Variants in CYREN observed in about 807,000 individuals in gnomAD.
CYREN encodes cell cycle regulator of non-homologous end joining.
CYREN carries 7 observed loss-of-function variants against 9.7 expected under a neutral mutation model. That is an observed-to-expected ratio of 0.72 (90% CI 0.41 to 1.36). The LOEUF is 1.36. CYREN is among the 40% of genes most tolerant of loss of function. CYREN has a pLI of 0.01. For missense variants in CYREN, 215 were observed against 198.1 expected, an observed-to-expected ratio of 1.09 and a Z score of -0.51; for synonymous variants, 76 against 77.9, an observed-to-expected ratio of 0.98 and a Z score of 0.13.
At chr7:135,127,120 C>G (rs1176749827) in intron 2 of CYREN, among the ~76,000 whole-genome samples, 2 of 152,216 alleles carry the variant, frequency 1.3e-5, no homozygotes, top group African/African-American at 4.8e-5. Context: ...ATCTACCCAT[C>G]TGACAAAGGT....
At chr7:135,168,759 GGA>G in intron 2 of CYREN, 25 bp downstream of exon 2, 2 of 1,608,932 alleles carry the variant, frequency 1.2e-6, no homozygotes, top group East Asian at 2.2e-5. Context: ...CAGATTCGCA[GGA>G]GTCTTCTGAC....
At chr7:135,117,107 A>G (rs1826431750) in intron 2 of CYREN, among the ~76,000 whole-genome samples, 1 of 152,248 alleles carries the variant, frequency 6.6e-6, no homozygotes, top group East Asian at 1.9e-4. Flanking sequence ...TGCAAAGAAT[A>G]GGGAAAATGC....
chr7:135,166,584 C>G lies in CYREN; in HGVS notation c.*27G>C, dbSNP rs773937966. ...TCAGCTGTCCTCCAGCTGCTCTCGG[C>G]AGACAGTTCAGTGCACAGTTTATGC... On this transcript the variant is annotated 3_prime_UTR_variant, in exon 4 of 4. Coordinates refer to ENST00000393114, the MANE Select transcript of CYREN (RefSeq NM_024033.4). 2 of 1,543,388 alleles carry G rather than the reference C, an allele frequency of 1.3e-6. No homozygotes were observed. The highest frequency in any genetic ancestry group is 2.4e-5 in the South Asian group (2 of 82,028).
At chr7:135,168,043 CCCTACAAGGATCTGG>C in intron 2 of CYREN, 1 of 603,928 alleles carries the variant, frequency 1.7e-6, no homozygotes, top group Admixed American at 3.1e-5. Context: ...CCACCAACTG[CCCTACAAGGATCTGG>C]AAGTAGGGAA....
intron 2 of CYREN, among the ~76,000 whole-genome samples, chr7:135,107,859 G>T (rs1485229933): frequency 6.6e-6 from 1 of 152,102 alleles, no homozygotes; most frequent in African/African-American, 2.4e-5. Flanking sequence ...CTTTTTGTAG[G>T]TCTCTAGGAA....
chr7:135,158,116 T>G (rs1038403524), intron 2 of CYREN, among the ~76,000 whole-genome samples: 7 of 152,100 alleles, frequency 4.6e-5, no homozygotes, highest in African/African-American at 1.7e-4. Flanking sequence ...AGCAAGAAGG[T>G]GGGGCACAGC....
chr7:135,110,583 C>T (rs1563276456), intron 2 of CYREN, among the ~76,000 whole-genome samples: 1 of 152,160 alleles, frequency 6.6e-6, no homozygotes, highest in Non-Finnish European at 1.5e-5. Context: ...CTTCCTTGGG[C>T]AGGGGAGGCT....
intron 2 of CYREN, among the ~76,000 whole-genome samples, chr7:135,113,561 C>T (rs1417195926): frequency 6.6e-6 from 1 of 152,154 alleles, no homozygotes; most frequent in Non-Finnish European, 1.5e-5. Context: ...TTAAGCATGA[C>T]AATTATAAAT....
intron 2 of CYREN, chr7:135,134,726 A>T: frequency 1.0e-6 from 1 of 985,588 alleles, no homozygotes; most frequent in Non-Finnish European, 1.4e-6. Flanking sequence ...CTTAAACTTT[A>T]AGAAGTTATG....
upstream of CYREN, among the ~76,000 whole-genome samples, chr7:135,172,317 C>CTTTGGT (rs1198035476): frequency 6.6e-6 from 1 of 152,146 alleles, no homozygotes; most frequent in Non-Finnish European, 1.5e-5. Flanking sequence ...TTGCTGGATA[C>CTTTGGT]TTTGGTTTTG....
chr7:135,146,512 C>T (rs571954464), intron 2 of CYREN, among the ~76,000 whole-genome samples: 18 of 152,230 alleles, frequency 1.2e-4, no homozygotes, highest in Admixed American at 7.2e-4. Flanking sequence ...GTAAAAGATG[C>T]AGGATCCACA....
At chr7:135,099,208 C>T (rs1823386058) in intron 2 of CYREN, among the ~76,000 whole-genome samples, 1 of 151,906 alleles carries the variant, frequency 6.6e-6, no homozygotes, top group African/African-American at 2.4e-5. Flanking sequence ...TGTTGGTTAC[C>T]TTAGTGTACC....
chr7:135,164,781 C>T (rs1273989502), downstream of CYREN: 9 of 1,614,190 alleles, frequency 5.6e-6, no homozygotes, highest in East Asian at 2.2e-5. Context: ...GAGAGCGTGG[C>T]GGCTGGCAGT....
chr7:135,099,243 A>C (rs908599091), intron 2 of CYREN, among the ~76,000 whole-genome samples: 5 of 152,172 alleles, frequency 3.3e-5, no homozygotes, highest in Non-Finnish European at 5.9e-5. Context: ...ATAGATCCTA[A>C]CATAGATAAA....
At chr7:135,134,877 C>T (rs1829264854) in intron 2 of CYREN, 1 of 1,550,700 alleles carries the variant, frequency 6.4e-7, no homozygotes. Context: ...TAAAGAAATA[C>T]AGCACATCTT....
intron 3 of CYREN, 30 bp from the exon 4 acceptor site, chr7:135,166,901 C>T (rs1372380114): frequency 1.9e-6 from 3 of 1,602,150 alleles, no homozygotes; most frequent in Non-Finnish European, 2.6e-6. Context: ...GCAGGCTCAA[C>T]ATACGTGTTT....
chr7:135,164,798 C>T (rs2117477765), downstream of CYREN: 1 of 1,614,140 alleles, frequency 6.2e-7, no homozygotes, highest in Non-Finnish European at 8.5e-7. Flanking sequence ...CAGTGGGCTT[C>T]CTGGCTGTGT....
chr7:135,130,667 T>TCTCATTTACCA (rs1828614211), intron 2 of CYREN, among the ~76,000 whole-genome samples: 1 of 152,158 alleles, frequency 6.6e-6, no homozygotes, highest in Non-Finnish European at 1.5e-5. Context: ...TCTTGAATTA[T>TCTCATTTACCA]CTGCATTTAC....
intron 3 of CYREN, 114 bp downstream of exon 3, chr7:135,167,618 G>A (rs1830267167): frequency 1.3e-6 from 2 of 1,513,394 alleles, no homozygotes; most frequent in East Asian, 2.3e-5. Context: ...AGTGGCAGGA[G>A]GAAGAAGAGG....
Sources: allele counts gnomAD v4.1 joint callset (sites outside exome capture counted in the v4.1 genomes callset), GRCh38; gene constraint gnomAD v4.1.1; transcripts MANE v1.5; gene names NCBI Gene and HGNC (gene_info 2026-07-23, HGNC 2026-07-21).